Variants in ARL15 observed in about 807,000 individuals in gnomAD.
The protein encoded by ARL15 is ARF like GTPase 15, also known as ADP-ribosylation factor-like protein 15.
In ARL15, 19 loss-of-function variants were observed where a neutral mutation model predicts 25.2. That is an observed-to-expected ratio of 0.75 (90% CI 0.53 to 1.10). The LOEUF (loss-of-function observed/expected upper bound fraction) is 1.10. Among genes scored for constraint, ARL15 ranks in the 50% least tolerant of loss-of-function variants. The pLI is 0.00. For synonymous variants in ARL15, 94 were observed against 86.8 expected (o/e 1.08, Z -0.46); for missense variants, 220 against 246.0 (o/e 0.89, Z 0.71).
At chr5:54,212,800 T>C (rs936024599) in intron 1 of ARL15, among the ~76,000 whole-genome samples, 1 of 152,124 alleles carries the variant, frequency 6.6e-6, no homozygotes, top group Non-Finnish European at 1.5e-5. Context: ...TAAGAGTGAA[T>C]CTACTGTTAG....
chr5:54,021,080 A>G (rs777024535), intron 4 of ARL15, among the ~76,000 whole-genome samples: 3 of 152,252 alleles, frequency 2.0e-5, no homozygotes, highest in Non-Finnish European at 4.4e-5. Flanking sequence ...TCACGCCTGT[A>G]ATCCCAGCAC....
At chr5:54,112,713 T>G (rs759370399) in intron 4 of ARL15, among the ~76,000 whole-genome samples, 5 of 152,188 alleles carry the variant, frequency 3.3e-5, no homozygotes, top group Non-Finnish European at 5.9e-5. Context: ...TAAAATGTAT[T>G]TGATGGCATG....
At chr5:53,947,700 C>T (rs1390531853) in intron 4 of ARL15, among the ~76,000 whole-genome samples, 3 of 151,994 alleles carry the variant, frequency 2.0e-5, no homozygotes, top group African/African-American at 4.8e-5. Flanking sequence ...GACTAGACCC[C>T]GAGGTCTAAT....
chr5:54,079,967 T>TCA (rs58908566), intron 4 of ARL15, among the ~76,000 whole-genome samples: 3,004 of 124,294 alleles, frequency 0.024, 56 homozygotes, highest in East Asian at 0.08. Flanking sequence ...TGAGACTCCG[T>TCA]CACACACACA....
intron 2 of ARL15, among the ~76,000 whole-genome samples, chr5:54,157,505 G>A (rs763676569): frequency 7.2e-5 from 11 of 152,108 alleles, no homozygotes; most frequent in Non-Finnish European, 1.2e-4. Context: ...TCCATCTCCC[G>A]GGTTCACGCC....
chr5:53,980,196 A>T (rs1403176080), intron 4 of ARL15, among the ~76,000 whole-genome samples: 1 of 152,202 alleles, frequency 6.6e-6, no homozygotes. Flanking sequence ...ATACTTCATT[A>T]TCTCTATCTT....
intron 4 of ARL15, among the ~76,000 whole-genome samples, chr5:53,918,247 G>A (rs1416369297): frequency 6.6e-6 from 1 of 152,170 alleles, no homozygotes; most frequent in Admixed American, 6.5e-5. Context: ...GCGCAGTGGT[G>A]TGATGATAGC....
intron 4 of ARL15, among the ~76,000 whole-genome samples, chr5:53,985,381 G>A (rs1367493722): frequency 8.5e-5 from 13 of 152,054 alleles, no homozygotes; most frequent in African/African-American, 3.1e-4. Flanking sequence ...TCATAATGTT[G>A]TGCAACCATC....
At chr5:53,899,930 A>G (rs1299645518) in intron 4 of ARL15, among the ~76,000 whole-genome samples, 1 of 152,164 alleles carries the variant, frequency 6.6e-6, no homozygotes, top group Non-Finnish European at 1.5e-5. Context: ...ATCCAATTCT[A>G]CATTGCGGAG....
intron 2 of ARL15, among the ~76,000 whole-genome samples, chr5:54,160,723 G>T (rs1009475841): frequency 1.3e-5 from 2 of 152,108 alleles, no homozygotes; most frequent in Non-Finnish European, 2.9e-5. Context: ...TTATGTCAGA[G>T]GTGAAAAATT....
intron 4 of ARL15, among the ~76,000 whole-genome samples, chr5:53,917,143 A>C (rs1170709231): frequency 1.3e-5 from 2 of 148,230 alleles, no homozygotes; most frequent in Non-Finnish European, 2.9e-5. Flanking sequence ...CAGATAAGGG[A>C]AAGTGGATAT....
chr5:53,916,293 T>TA (rs3055337), intron 4 of ARL15, among the ~76,000 whole-genome samples: 63 of 141,894 alleles, frequency 4.4e-4, no homozygotes, highest in African/African-American at 1.1e-3. Context: ...AATGTAATAT[T>TA]AAAAAAAAAA....
At chr5:53,898,654 C>A (rs888820372) in intron 4 of ARL15, among the ~76,000 whole-genome samples, 1 of 151,502 alleles carries the variant, frequency 6.6e-6, no homozygotes, top group African/African-American at 2.4e-5. Flanking sequence ...CACCCGCTGC[C>A]CCCCCTACCC....
At chr5:54,207,363 A>G (rs1755899258) in intron 1 of ARL15, among the ~76,000 whole-genome samples, 1 of 152,218 alleles carries the variant, frequency 6.6e-6, no homozygotes, top group Non-Finnish European at 1.5e-5. Context: ...TGACAGTTAC[A>G]AGCATCTAAA....
intron 2 of ARL15, among the ~76,000 whole-genome samples, chr5:54,161,660 A>C (rs1040438923): frequency 6.6e-6 from 1 of 152,318 alleles, no homozygotes; most frequent in African/African-American, 2.4e-5. Flanking sequence ...TGTTATTTGT[A>C]AGTGTGGTTG....
At chr5:54,275,377 G>A (rs1757900383) in intron 1 of ARL15, among the ~76,000 whole-genome samples, 2 of 152,172 alleles carry the variant, frequency 1.3e-5, no homozygotes, top group African/African-American at 4.8e-5. Flanking sequence ...ACCTTTCCAA[G>A]CTTCTTTGGT....
intron 4 of ARL15, among the ~76,000 whole-genome samples, chr5:54,070,248 C>T (rs552712099): frequency 2.1e-4 from 31 of 151,194 alleles, no homozygotes; most frequent in African/African-American, 5.8e-4. Context: ...AAAAATTAGC[C>T]GGGCGTGGTG....
chr5:54,310,521 A>C lies in ARL15; in HGVS notation c.-42T>G. On this transcript the variant is annotated 5_prime_UTR_variant, in exon 1 of 5. Coordinates refer to ENST00000504924, the MANE Select transcript of ARL15 (RefSeq NM_019087.3). ...TCCGGAACGGCTCCGAACCCGGAAA[A>C]AAAAAGCAGCGTCTCTGGCTGCGAG... The C allele has an allele frequency of 6.4e-7, 1 of 1,571,976 alleles. No homozygotes were observed. The highest frequency in any genetic ancestry group is 1.4e-5 in the African/African-American group (1 of 73,320).
chr5:54,283,901 G>A (rs1343402676), intron 1 of ARL15, among the ~76,000 whole-genome samples: 1 of 151,918 alleles, frequency 6.6e-6, no homozygotes, highest in African/African-American at 2.4e-5. Context: ...GCCCTTTTTT[G>A]CTCTTCTGCC....
Sources: gnomAD v4.1 joint callset for allele counts (sites outside exome capture counted in the v4.1 genomes callset) on GRCh38, gnomAD v4.1.1 for gene constraint, MANE v1.5 for transcripts, NCBI Gene and HGNC (gene_info 2026-07-23, HGNC 2026-07-21) for gene names.